Variants in MAOB observed in about 807,000 individuals in gnomAD.
MAOB encodes the protein amine oxidase [flavin-containing] B.
A neutral mutation model predicts 41.9 loss-of-function variants in MAOB; 15 were observed. That is an observed-to-expected ratio of 0.36 (90% CI 0.24 to 0.55). The LOEUF (loss-of-function observed/expected upper bound fraction) is 0.55, where lower values mean the gene tolerates loss of function less well. MAOB is among the 20% of genes least tolerant of loss of function. The pLI, the probability that MAOB is intolerant of heterozygous loss-of-function variation, is 0.86. For synonymous variants in MAOB, 167 were observed against 144.2 expected (o/e 1.16, Z -1.13); for missense variants, 345 against 398.7 (o/e 0.87, Z 1.15).
At chrX:43,810,236 C>G (rs1228927450) in intron 3 of MAOB, among the ~76,000 whole-genome samples, 1 of 45,692 alleles carries the variant, frequency 2.2e-5, no homozygotes, top group Non-Finnish European at 3.3e-5. Context: ...GAGCGAGACT[C>G]TGTCTCAAAA....
chrX:43,823,917 T>G (rs974817924), intron 3 of MAOB, among the ~76,000 whole-genome samples: 11 of 112,302 alleles, frequency 9.8e-5, no homozygotes. Context: ...TAAAATTCTG[T>G]TCAGAGATAT....
chrX:43,858,631 A>G (rs2035313369), intron 1 of MAOB, among the ~76,000 whole-genome samples: 1 of 110,796 alleles, frequency 9.0e-6, no homozygotes, highest in Non-Finnish European at 1.9e-5. Flanking sequence ...TGGATTTTCC[A>G]CAGCAGTAAA....
chrX:43,796,944 G>C (rs1281763529), intron 6 of MAOB, among the ~76,000 whole-genome samples, 181 bp downstream of exon 6: 1 of 111,668 alleles, frequency 9.0e-6, no homozygotes, highest in Non-Finnish European at 1.9e-5. Flanking sequence ...TTGGACACTG[G>C]GTTCTCACAG....
chrX:43,844,074 A>C, intron 1 of MAOB: 1 of 307,376 alleles, frequency 3.3e-6, no homozygotes, highest in Non-Finnish European at 4.6e-6. Context: ...GGCCATGCTC[A>C]AGAGAAATAT....
At chrX:43,833,232 A>G (rs2035037806) in intron 3 of MAOB, among the ~76,000 whole-genome samples, 1 of 111,194 alleles carries the variant, frequency 9.0e-6, no homozygotes, top group African/African-American at 3.3e-5. Flanking sequence ...GTTATTTGAG[A>G]TTGAAAACAC....
chrX:43,865,737 A>C (rs924426916), intron 1 of MAOB, among the ~76,000 whole-genome samples: 10 of 110,201 alleles, frequency 9.1e-5, no homozygotes. Context: ...ACTTCTACGA[A>C]CAACCATTGT....
chrX:43,863,288 T>TTA (rs755888854), intron 1 of MAOB, among the ~76,000 whole-genome samples: 1 of 111,898 alleles, frequency 8.9e-6, no homozygotes, highest in Non-Finnish European at 1.9e-5. Context: ...TAGTCTGGTA[T>TTA]TAGTTAAGTA....
At chrX:43,808,011 AGAG>A (rs1213093071) in intron 3 of MAOB, among the ~76,000 whole-genome samples, 2 of 111,690 alleles carry the variant, frequency 1.8e-5, no homozygotes, top group Non-Finnish European at 3.8e-5. Context: ...CCCTACCAGC[AGAG>A]TAGTGCCCAA....
chrX:43,818,445 C>T, intron 3 of MAOB, among the ~76,000 whole-genome samples: 1 of 112,051 alleles, frequency 8.9e-6, no homozygotes, highest in Non-Finnish European at 1.9e-5. Context: ...TAACATCAAG[C>T]TAGTTTCCCA....
At chrX:43,826,315 C>T (rs2034946852) in intron 3 of MAOB, among the ~76,000 whole-genome samples, 1 of 111,464 alleles carries the variant, frequency 9.0e-6, no homozygotes, top group Admixed American at 9.6e-5. Flanking sequence ...AAAATATTTC[C>T]GTTTTCTCCT....
At chrX:43,858,416 C>G (rs1452797173) in intron 1 of MAOB, among the ~76,000 whole-genome samples, 1 of 111,092 alleles carries the variant, frequency 9.0e-6, no homozygotes, top group Non-Finnish European at 1.9e-5. Flanking sequence ...TTTCCTTCTG[C>G]TCCACATCCT....
chrX:43,767,300 C>T lies in MAOB; in HGVS notation c.*166G>A, dbSNP rs1048496085. 2.3e-5 allele frequency: 11 copies of T among 481,355 alleles called. No individual in the cohort carries two copies. The highest frequency in any genetic ancestry group is 1.5e-4 in the African/African-American group (6 of 41,028). 39.7% of individuals were successfully genotyped at this position (481,355 alleles called of 1,213,427 possible). A position where few individuals can be genotyped will look rare whatever the true frequency, so the allele number is the denominator to read the frequency against. On this transcript the variant is annotated 3_prime_UTR_variant, in exon 15 of 15. Coordinates refer to ENST00000378069, the MANE Select transcript of MAOB (RefSeq NM_000898.5). Reference sequence around the variant, plus strand: ...AAGGGACACTAAGCAGGGGCCACAACGGAGAAAGAGATACCATGTATTTTA... The same window carrying T: ...AAGGGACACTAAGCAGGGGCCACAATGGAGAAAGAGATACCATGTATTTTA...
At chrX:43,799,088 A>G (rs1255955352) in intron 5 of MAOB, among the ~76,000 whole-genome samples, 1 of 111,737 alleles carries the variant, frequency 8.9e-6, no homozygotes, top group African/African-American at 3.3e-5. Flanking sequence ...TTGTAGAATC[A>G]TGCCTAACAC....
At chrX:43,864,734 C>T (rs2035354743) in intron 1 of MAOB, among the ~76,000 whole-genome samples, 1 of 111,139 alleles carries the variant, frequency 9.0e-6, no homozygotes, top group Non-Finnish European at 1.9e-5. Context: ...GGAACTGGGT[C>T]AGAACTAGAC....
At chrX:43,853,026 C>T (rs1333032799) in intron 1 of MAOB, among the ~76,000 whole-genome samples, 2 of 110,459 alleles carry the variant, frequency 1.8e-5, no homozygotes, top group East Asian at 2.9e-4. Flanking sequence ...ATGGGCCAGG[C>T]GCGGTGGCTC....
chrX:43,792,976 T>A (rs1175755074), intron 8 of MAOB, among the ~76,000 whole-genome samples: 1 of 112,087 alleles, frequency 8.9e-6, no homozygotes. Context: ...GGTATGTATA[T>A]AGCATGGAAT....
chrX:43,821,363 G>A (rs1011456868), intron 3 of MAOB, among the ~76,000 whole-genome samples: 1 of 111,623 alleles, frequency 9.0e-6, no homozygotes, highest in African/African-American at 3.3e-5. Flanking sequence ...ACTGGACCCT[G>A]AACTCCAGCC....
At chrX:43,857,161 AGAGAAGAAGAG>A (rs1569230964) in intron 1 of MAOB, among the ~76,000 whole-genome samples, 4 of 55,599 alleles carry the variant, frequency 7.2e-5, no homozygotes, top group Non-Finnish European at 1.3e-4. Context: ...AGAGAGAGAG[AGAGAAGAAGAG>A]AGAGAGAGAG....
intron 3 of MAOB, among the ~76,000 whole-genome samples, chrX:43,829,259 T>C (rs1157856635): frequency 8.9e-6 from 1 of 112,520 alleles, no homozygotes; most frequent in Non-Finnish European, 1.9e-5. Context: ...TACAGGCTTA[T>C]CTTCTCTACA....
Sources: allele counts gnomAD v4.1 joint callset (sites outside exome capture counted in the v4.1 genomes callset), GRCh38; gene constraint gnomAD v4.1.1; transcripts MANE v1.5; gene names NCBI Gene and HGNC (gene_info 2026-07-23, HGNC 2026-07-21).